DMGDH: variants seen among roughly 807,000 people sequenced by gnomAD.
DMGDH encodes the protein dimethylglycine dehydrogenase, mitochondrial.
Under a neutral mutation model 95.2 loss-of-function variants are expected in DMGDH, and 76 were observed. That is an observed-to-expected ratio of 0.80 (90% CI 0.66 to 0.97). DMGDH has a LOEUF of 0.97. DMGDH is among the 50% of genes least tolerant of loss of function. The pLI is 0.00. For missense variants in DMGDH, 987 were observed against 1,055.0 expected (o/e 0.94, Z 0.89); for synonymous variants, 345 against 377.6 (o/e 0.91, Z 1.00).
At chr5:79,002,909 A>G (rs1443321523) in intron 15 of DMGDH, among the ~76,000 whole-genome samples, 1 of 152,242 alleles carries the variant, frequency 6.6e-6, no homozygotes, top group Non-Finnish European at 1.5e-5. Flanking sequence ...GAATCCTATA[A>G]TTGGATTAGC....
intron 12 of DMGDH, among the ~76,000 whole-genome samples, chr5:79,027,004 A>G (rs1754021353): frequency 6.6e-6 from 1 of 152,214 alleles, no homozygotes; most frequent in African/African-American, 2.4e-5. Context: ...ACAAGCTTAA[A>G]AATATAGTTA....
Position 79,021,611 on chromosome 5 carries a change from T to C in DMGDH, c.2250+2660A>G, listed in dbSNP as rs753133164. On this transcript the variant is annotated intron_variant, in intron 14 of 15. Coordinates refer to ENST00000255189, the MANE Select transcript of DMGDH (RefSeq NM_013391.3). ...TTGACAAGAACACGATTCACCCTAA[T>C]AAGGCCTGATGGCCCATCTGCTCAC... 24 of 1,313,784 alleles carry C rather than the reference T, an allele frequency of 1.8e-5. No homozygotes were observed. The African/African-American group carries it at 3.0e-4, about 16-fold the overall frequency. The allele number at this position is 1,313,784 out of a possible 1,614,324, so 81.4% of individuals were successfully genotyped here.
At chr5:79,042,550 C>T in intron 6 of DMGDH, 69 bp from the exon 7 acceptor site, 1 of 1,475,964 alleles carries the variant, frequency 6.8e-7, no homozygotes, top group East Asian at 2.3e-5. Context: ...GTGATTTAAG[C>T]CTCTGACATG....
At chr5:79,045,386 A>G (rs1028580437) in intron 5 of DMGDH, among the ~76,000 whole-genome samples, 1 of 152,118 alleles carries the variant, frequency 6.6e-6, no homozygotes, top group Non-Finnish European at 1.5e-5. Context: ...ATAGAACTGG[A>G]TAATTTGTGG....
chr5:79,010,052 GT>G (rs1753620842), intron 14 of DMGDH, among the ~76,000 whole-genome samples: 1 of 151,930 alleles, frequency 6.6e-6, no homozygotes, highest in Admixed American at 6.5e-5. Flanking sequence ...CTTGGCTTCT[GT>G]TTTTAAAATT....
intron 1 of DMGDH, among the ~76,000 whole-genome samples, 167 bp from the exon 2 acceptor site, chr5:79,063,954 C>A (rs1432313538): frequency 6.6e-6 from 1 of 152,118 alleles, no homozygotes; most frequent in Non-Finnish European, 1.5e-5. Context: ...ATTTAGGCAA[C>A]CTGGTTGGGG....
At chr5:79,035,102 C>T (rs1333219103) in intron 7 of DMGDH, among the ~76,000 whole-genome samples, 1 of 149,798 alleles carries the variant, frequency 6.7e-6, no homozygotes, top group African/African-American at 2.5e-5. Flanking sequence ...AGAATAAAAA[C>T]CCAGCAATTT....
Position 79,056,000 on chromosome 5 carries a change from A to C in DMGDH, c.277-92T>G, listed in dbSNP as rs569669888. Reference sequence around the variant, plus strand: ...CTGTTAAGCAATAATTTAATGCTGGAAAGAAACTGAGAAGCACCAGCCAGT... The same window carrying C: ...CTGTTAAGCAATAATTTAATGCTGGCAAGAAACTGAGAAGCACCAGCCAGT... On this transcript the variant is annotated intron_variant, in intron 2 of 15. Transcript: ENST00000255189. The C allele has an allele frequency of 7.5e-5, 65 of 868,864 alleles. 1 individual carries two copies. The highest frequency in any genetic ancestry group is 1.2e-4 in the Admixed American group (6 of 49,562). 53.8% of individuals were successfully genotyped at this position (868,864 alleles called of 1,614,324 possible).
chr5:79,063,840 T>G lies in DMGDH; in HGVS notation c.102-53A>C, dbSNP rs1461005874. The G allele has an allele frequency of 2.5e-6, 4 of 1,589,826 alleles. No individual in the cohort carries two copies. The East Asian group carries it at 8.9e-5, about 36-fold the overall frequency. On this transcript the variant is annotated intron_variant, in intron 1 of 15. Transcript: ENST00000255189. ...CTTCAATCGGCAATGGTAGCTATAG[T>G]TCTGGCCTAAAGCACTTCCCCTTAC...
intron 14 of DMGDH, among the ~76,000 whole-genome samples, chr5:79,010,873 TGTAAGTGGCAGA>T (rs1315530102): frequency 6.6e-6 from 1 of 152,116 alleles, no homozygotes; most frequent in Non-Finnish European, 1.5e-5. Flanking sequence ...CATCAGGTAC[TGTAAGTGGCAGA>T]GTGGAGATGG....
chr5:79,019,010 G>T (rs1488598645), intron 14 of DMGDH, among the ~76,000 whole-genome samples: 1 of 151,900 alleles, frequency 6.6e-6, no homozygotes, highest in Non-Finnish European at 1.5e-5. Flanking sequence ...AATGAAAATG[G>T]GTAACAGAAT....
chr5:79,022,074 C>T (rs1753883457), intron 14 of DMGDH, among the ~76,000 whole-genome samples: 1 of 152,156 alleles, frequency 6.6e-6, no homozygotes, highest in African/African-American at 2.4e-5. Context: ...GCCTAAGGGC[C>T]AACCAGAGAA....
chr5:79,000,571 G>A (rs61734074), intron 15 of DMGDH: 3 of 600,692 alleles, frequency 5.0e-6, no homozygotes, highest in South Asian at 1.5e-5. Context: ...ATCCAGTGCT[G>A]TCACCGAACT....
chr5:79,021,265 A>G (rs1753860339), intron 14 of DMGDH: 2 of 1,042,420 alleles, frequency 1.9e-6, no homozygotes, highest in Non-Finnish European at 2.3e-6. Flanking sequence ...ATTACGGCTA[A>G]GAACGTATCC....
At chr5:79,038,369 A>G (rs921679455) in intron 7 of DMGDH, among the ~76,000 whole-genome samples, 2 of 152,108 alleles carry the variant, frequency 1.3e-5, no homozygotes, top group African/African-American at 4.8e-5. Flanking sequence ...TTGTAATCCC[A>G]GCTATTTGGG....
At chr5:79,021,124 T>G (rs1315673357) in intron 14 of DMGDH, 3 of 987,026 alleles carry the variant, frequency 3.0e-6, no homozygotes, top group Non-Finnish European at 3.6e-6. Flanking sequence ...ATTTTAAAAG[T>G]ACAGATTCAA....
At position 78,998,099 on chromosome 5, in the gene DMGDH, C is replaced by T. The variant is rs764368568; in HGVS notation, c.2584G>A (p.Gly862Arg). The T allele has an allele frequency of 6.2e-7, 1 of 1,614,138 alleles. No individual in the cohort carries two copies. The highest frequency in any genetic ancestry group is 1.1e-5 in the South Asian group (1 of 91,082). ...PTRNRLQKKG[G>R]KDKT ...GTCTTTTTTCAAGTTTTGTCCTTTC[C>T]ACCTTTTTTCTGAAGCCGGTTTCTG... Residue 862 changes from glycine to arginine, a missense_variant, in exon 16 of 16, where the codon GGA becomes AGA. Coordinates refer to ENST00000255189, the MANE Select transcript of DMGDH (RefSeq NM_013391.3).
chr5:79,029,310 C>T (rs1204860752), intron 11 of DMGDH, among the ~76,000 whole-genome samples: 1 of 152,176 alleles, frequency 6.6e-6, no homozygotes, highest in East Asian at 1.9e-4. Flanking sequence ...AGATGAGAAT[C>T]TGTCAGAGTA....
intron 1 of DMGDH, among the ~76,000 whole-genome samples, chr5:79,069,121 G>A (rs1177531139): frequency 6.6e-6 from 1 of 152,082 alleles, no homozygotes; most frequent in Non-Finnish European, 1.5e-5. Context: ...TTGACAGGAT[G>A]GAAAACTATG....
Sources: allele counts gnomAD v4.1 joint callset (sites outside exome capture counted in the v4.1 genomes callset), GRCh38; gene constraint gnomAD v4.1.1; transcripts MANE v1.5; gene names NCBI Gene and HGNC (gene_info 2026-07-23, HGNC 2026-07-21).